PHACTR1: variants seen among roughly 807,000 people sequenced by gnomAD.
PHACTR1 encodes RPEL repeat containing 1.
A neutral mutation model predicts 69.2 loss-of-function variants in PHACTR1; 16 were observed. The ratio of observed to expected loss-of-function variants is 0.23; its 90% CI spans 0.16 to 0.35. The LOEUF (loss-of-function observed/expected upper bound fraction) is 0.35, where lower values mean the gene tolerates loss of function less well. Ranked by LOEUF, PHACTR1 falls within the 10% of genes least tolerant of loss-of-function variation. The pLI is 1.00. For synonymous variants in PHACTR1, 312 were observed against 284.5 expected, an observed-to-expected ratio of 1.10 and a Z score of -0.97; for missense variants, 510 against 734.7, an observed-to-expected ratio of 0.69 and a Z score of 3.54.
chr6:12,834,786 C>G (rs1222186527), intron 4 of PHACTR1, among the ~76,000 whole-genome samples: 3 of 152,056 alleles, frequency 2.0e-5, no homozygotes, highest in Admixed American at 6.6e-5. Flanking sequence ...TTCAGAACAC[C>G]ATACAATATA....
chr6:13,143,472 G>T (rs957225403), intron 5 of PHACTR1, among the ~76,000 whole-genome samples: 3 of 152,152 alleles, frequency 2.0e-5, no homozygotes, highest in South Asian at 2.1e-4. Context: ...TTCTCGAACT[G>T]TGTGTGCAGA....
chr6:12,961,041 C>T (rs1792652826), intron 4 of PHACTR1, among the ~76,000 whole-genome samples: 2 of 152,186 alleles, frequency 1.3e-5, no homozygotes, highest in South Asian at 4.1e-4. Context: ...TATTCAGCTT[C>T]CTACAAAGTT....
At chr6:13,134,050 G>C (rs11742093) in intron 5 of PHACTR1, among the ~76,000 whole-genome samples, 27 of 150,118 alleles carry the variant, frequency 1.8e-4, no homozygotes, top group African/African-American at 6.7e-4. Context: ...GGTGAGGAGT[G>C]TCTCTGCCCT....
At chr6:12,768,332 T>C (rs908508354) in intron 4 of PHACTR1, among the ~76,000 whole-genome samples, 16 of 152,096 alleles carry the variant, frequency 1.1e-4, no homozygotes, top group African/African-American at 3.9e-4. Context: ...GACAGGATGC[T>C]CTCAATCTCC....
chr6:13,071,364 G>A (rs1319721856), intron 5 of PHACTR1, among the ~76,000 whole-genome samples: 1 of 152,058 alleles, frequency 6.6e-6, no homozygotes, highest in Non-Finnish European at 1.5e-5. Flanking sequence ...GGAGGCAGAG[G>A]TTGCAGTGAG....
chr6:13,250,631 T>C (rs1774254163), intron 10 of PHACTR1, among the ~76,000 whole-genome samples: 1 of 152,220 alleles, frequency 6.6e-6, no homozygotes, highest in Non-Finnish European at 1.5e-5. Context: ...GCCACAGCCA[T>C]GCCATGCAGG....
At chr6:13,248,043 T>C (rs764454857) in intron 10 of PHACTR1, among the ~76,000 whole-genome samples, 20 of 152,326 alleles carry the variant, frequency 1.3e-4, no homozygotes, top group Middle Eastern at 3.4e-3. Flanking sequence ...TTTATATTCA[T>C]GGAACTGTGA....
intron 10 of PHACTR1, among the ~76,000 whole-genome samples, chr6:13,257,906 T>G (rs1490854863): frequency 1.3e-5 from 2 of 152,160 alleles, no homozygotes; most frequent in African/African-American, 4.8e-5. Flanking sequence ...CTCTCAGACC[T>G]TCTGATTCAG....
At chr6:13,088,315 A>AC (rs1172175576) in intron 5 of PHACTR1, among the ~76,000 whole-genome samples, 12 of 119,374 alleles carry the variant, frequency 1.0e-4, no homozygotes, top group African/African-American at 3.8e-4. Context: ...ACGCCCCACT[A>AC]CCCCCCGCAA....
At chr6:13,027,717 C>T (rs1483739087) in intron 4 of PHACTR1, among the ~76,000 whole-genome samples, 1 of 152,054 alleles carries the variant, frequency 6.6e-6, no homozygotes, top group African/African-American at 2.4e-5. Context: ...ACTCTGCCAC[C>T]CAGGCTGGAG....
intron 4 of PHACTR1, among the ~76,000 whole-genome samples, chr6:12,771,604 A>AG (rs1216896357): frequency 2.0e-5 from 3 of 152,218 alleles, no homozygotes; most frequent in Non-Finnish European, 4.4e-5. Context: ...ATGCTCCAGT[A>AG]GGACCAGCTC....
At chr6:13,101,755 C>G (rs1256198390) in intron 5 of PHACTR1, among the ~76,000 whole-genome samples, 1 of 152,010 alleles carries the variant, frequency 6.6e-6, no homozygotes, top group Non-Finnish European at 1.5e-5. Context: ...TAGGAGAGGA[C>G]AAGAGATTTC....
At position 12,796,517 on chromosome 6, in the gene PHACTR1, A is replaced by AT. The variant is rs571900166; in HGVS notation, c.250+46733dup. Among the ~76,000 whole-genome samples the AT allele has an allele frequency of 2.8e-3, 420 of 152,292 alleles. 2 individuals carry two copies. The highest frequency in any genetic ancestry group is 8.5e-3 in the African/African-American group (353 of 41,576). ...TGAATGCTTGACTTCGGATGTCTTG[A>AT]TTTTTTGACTTGTGGTCTTTAATTG... is the stretch of plus-strand genomic sequence containing the variant. On this transcript the variant is annotated intron_variant, in intron 4 of 14. Transcript: ENST00000332995.
At chr6:13,066,945 C>G (rs949613105) in intron 5 of PHACTR1, among the ~76,000 whole-genome samples, 5 of 152,100 alleles carry the variant, frequency 3.3e-5, no homozygotes, top group African/African-American at 1.2e-4. Flanking sequence ...GGGACCAGCC[C>G]AGATTCATTG....
At chr6:13,032,572 CTT>C (rs1802603282) in intron 4 of PHACTR1, among the ~76,000 whole-genome samples, 1 of 151,944 alleles carries the variant, frequency 6.6e-6, no homozygotes, top group African/African-American at 2.4e-5. Flanking sequence ...GCGATATTTA[CTT>C]TGTCATAAAA....
At chr6:12,767,973 A>T (rs1768856121) in intron 4 of PHACTR1, among the ~76,000 whole-genome samples, 1 of 152,172 alleles carries the variant, frequency 6.6e-6, no homozygotes, top group South Asian at 2.1e-4. Flanking sequence ...TTGATGTAGA[A>T]AGTGAGACCT....
chr6:12,739,489 C>A (rs931232601), intron 3 of PHACTR1, among the ~76,000 whole-genome samples: 9 of 152,170 alleles, frequency 5.9e-5, no homozygotes, highest in African/African-American at 2.2e-4. Flanking sequence ...CGGTAATTCT[C>A]AAACTGATTT....
In PHACTR1 at chr6:12,911,721, T is replaced by G. The variant is rs139902777; in HGVS notation, c.251-141644T>G. On this transcript the variant is annotated intron_variant, in intron 4 of 14. Coordinates refer to ENST00000332995, the MANE Select transcript of PHACTR1 (RefSeq NM_030948.6). ...GTCTCAGCTGAAAACCAGCAGCCTT[T>G]GCAGTTTTGCTATCTTTCAGGGGGT... is the stretch of plus-strand genomic sequence containing the variant. 4.9e-3 allele frequency among the ~76,000 whole-genome samples: 746 copies of G among 152,332 alleles called. 6 individuals carry two copies. The highest frequency in any genetic ancestry group is 0.048 in the East Asian group (248 of 5,184).
intron 5 of PHACTR1, among the ~76,000 whole-genome samples, chr6:13,107,038 G>C (rs1434336344): frequency 6.6e-6 from 1 of 152,108 alleles, no homozygotes; most frequent in Non-Finnish European, 1.5e-5. Flanking sequence ...GTTAGGTTTT[G>C]TTATCAGAGG....
Sources: allele counts gnomAD v4.1 joint callset (sites outside exome capture counted in the v4.1 genomes callset), GRCh38; gene constraint gnomAD v4.1.1; transcripts MANE v1.5; gene names NCBI Gene and HGNC (gene_info 2026-07-23, HGNC 2026-07-21).